FGD5: variants seen among roughly 807,000 people sequenced by gnomAD.
The protein encoded by FGD5 is FYVE, RhoGEF and PH domain-containing protein 5.
In FGD5, 28 loss-of-function variants were observed where a neutral mutation model predicts 133.4. The observed-to-expected ratio is 0.21, with a 90% CI of 0.16 to 0.29. The LOEUF (loss-of-function observed/expected upper bound fraction) is 0.29, where lower values mean the gene tolerates loss of function less well. Among genes scored for constraint, FGD5 ranks in the 10% least tolerant of loss-of-function variants. The pLI is 1.00. For synonymous variants in FGD5, 810 were observed against 776.5 expected (o/e 1.04, Z -0.72); for missense variants, 1,858 against 1,895.2 (o/e 0.98, Z 0.36).
chr3:14,911,229 A>G (rs1173460793), intron 11 of FGD5, among the ~76,000 whole-genome samples: 1 of 152,220 alleles, frequency 6.6e-6, no homozygotes, highest in East Asian at 1.9e-4. Context: ...CAGAAAGGAA[A>G]GTCGCTGTAG....
rs557370562 is a variant in FGD5 at position 14,829,297 on chromosome 3, G to C, written c.2525+7701G>C. On this transcript the variant is annotated intron_variant, in intron 1 of 19. Transcript: ENST00000285046. ...AGTGTGTACGCCATCCCCTGGGCAGGGGGGAGTCCATAGTGATTTTCAGCA... is the reference window on the plus strand; with the variant it reads ...AGTGTGTACGCCATCCCCTGGGCAGCGGGGAGTCCATAGTGATTTTCAGCA... 5.3e-5 allele frequency among the ~76,000 whole-genome samples: 8 copies of C among 152,312 alleles called. No individual in the cohort carries two copies. The East Asian group carries it at 5.8e-4, about 11-fold the overall frequency.
At chr3:14,884,299 T>C (rs2037882368) in intron 4 of FGD5, among the ~76,000 whole-genome samples, 1 of 152,158 alleles carries the variant, frequency 6.6e-6, no homozygotes, top group Non-Finnish European at 1.5e-5. Context: ...CAGAAGCCAG[T>C]TTGCTGATTG....
In FGD5 at chr3:14,922,997, C is replaced by T; in HGVS notation, c.3808-49C>T. ...GAGCGGAGGGGAGGGGTGCAGGTCT[C>T]CTTTGCATGCACTGAGAGGGGTGAG... On this transcript the variant is annotated intron_variant, in intron 15 of 19. Transcript: ENST00000285046. This position sits in a 1 kb window ranked among gnomAD's most constrained non-coding sequence, Gnocchi z 4.1. 5 of 1,612,400 alleles carry T rather than the reference C, an allele frequency of 3.1e-6. No homozygotes were observed. The highest frequency in any genetic ancestry group is 1.7e-5 in the Admixed American group (1 of 59,970).
chr3:14,828,820 C>CTT (rs59960841), intron 1 of FGD5, among the ~76,000 whole-genome samples: 1,894 of 124,056 alleles, frequency 0.015, 49 homozygotes, highest in African/African-American at 0.05. Context: ...AGGTGGGTCT[C>CTT]TTTTTTTTTT....
chr3:14,932,430 G>A (rs1483166417), intron 18 of FGD5, 147 bp from the exon 19 acceptor site: 1 of 867,812 alleles, frequency 1.2e-6, no homozygotes, highest in East Asian at 2.8e-5. Flanking sequence ...GGGAAGCGAG[G>A]GTCAACAGTT....
At chr3:14,850,935 G>A (rs955433424) in intron 1 of FGD5, among the ~76,000 whole-genome samples, 2 of 152,104 alleles carry the variant, frequency 1.3e-5, no homozygotes, top group Non-Finnish European at 2.9e-5. Flanking sequence ...TAGGCTGGTC[G>A]GTAATGCCAA....
At chr3:14,889,221 C>T (rs970250612) in intron 4 of FGD5, among the ~76,000 whole-genome samples, 22 of 152,182 alleles carry the variant, frequency 1.4e-4, no homozygotes, top group Admixed American at 1.0e-3. Flanking sequence ...ACTTGTAACT[C>T]TCGCCCGGAT....
At position 14,901,546 on chromosome 3, in the gene FGD5, C is replaced by T. The variant is rs114840960; in HGVS notation, c.3264+485C>T. On this transcript the variant is annotated intron_variant, in intron 9 of 19. Coordinates refer to ENST00000285046, the MANE Select transcript of FGD5 (RefSeq NM_152536.4). Reference sequence around the variant, plus strand: ...GTCTGCTAGAGGGCAGAGTTGATCCCGCATCCCAGCTCCATTCAGGTGGTC... The same window carrying T: ...GTCTGCTAGAGGGCAGAGTTGATCCTGCATCCCAGCTCCATTCAGGTGGTC... 3.4e-3 allele frequency among the ~76,000 whole-genome samples: 521 copies of T among 152,340 alleles called. 4 individuals carry two copies. Among genetic ancestry groups the T allele is most frequent in the African/African-American group, 0.011 (463 of 41,580 alleles).
intron 4 of FGD5, among the ~76,000 whole-genome samples, chr3:14,885,216 CA>C (rs771208400): frequency 7.6e-4 from 115 of 151,704 alleles, no homozygotes; most frequent in Non-Finnish European, 1.2e-3. Flanking sequence ...AAGAAGGGGT[CA>C]GGGGGCACCT....
chr3:14,818,282 C>G (rs2036409273), upstream of FGD5, among the ~76,000 whole-genome samples: 1 of 152,192 alleles, frequency 6.6e-6, no homozygotes, highest in African/African-American at 2.4e-5. Flanking sequence ...GGACACAGTC[C>G]TGAAGCATGC....
intron 2 of FGD5, among the ~76,000 whole-genome samples, chr3:14,876,874 G>A (rs991558079): frequency 6.6e-6 from 1 of 152,224 alleles, no homozygotes; most frequent in Non-Finnish European, 1.5e-5. Flanking sequence ...TTGACTCTTT[G>A]TGTGACCCGC....
At chr3:14,912,305 C>T (rs889895005) in intron 11 of FGD5, among the ~76,000 whole-genome samples, 1 of 152,182 alleles carries the variant, frequency 6.6e-6, no homozygotes, top group African/African-American at 2.4e-5. Context: ...GACCCAAGTC[C>T]AGAGTCTCCC....
chr3:14,913,203 A>G (rs1019855392), intron 11 of FGD5, among the ~76,000 whole-genome samples: 2 of 152,156 alleles, frequency 1.3e-5, no homozygotes, highest in Non-Finnish European at 2.9e-5. Context: ...AGGAAAGTGG[A>G]AAGACTGGGT....
At chr3:14,832,314 G>A (rs576626396) in intron 1 of FGD5, among the ~76,000 whole-genome samples, 19 of 152,202 alleles carry the variant, frequency 1.2e-4, no homozygotes, top group Admixed American at 3.3e-4. Flanking sequence ...GTCACAGACC[G>A]TTTGTATGTG....
At chr3:14,893,197 A>G (rs1490501304) in intron 4 of FGD5, among the ~76,000 whole-genome samples, 1 of 152,200 alleles carries the variant, frequency 6.6e-6, no homozygotes, top group Non-Finnish European at 1.5e-5. Flanking sequence ...TGCATCATAG[A>G]TGTACATAGT....
Position 14,922,153 on chromosome 3 carries a change from G to T in FGD5, c.3669+136G>T. The T allele has an allele frequency of 9.5e-7, 1 of 1,051,530 alleles. No homozygotes were observed. The highest frequency in any genetic ancestry group is 1.4e-6 in the Non-Finnish European group (1 of 717,662). 65.1% of individuals were successfully genotyped at this position (1,051,530 alleles called of 1,614,324 possible). A position where few individuals can be genotyped will look rare whatever the true frequency, so the allele number is the denominator to read the frequency against. ...GGGCACTGGCTCCCCCCACACCCCT[G>T]CCATGCTCCCACCCTAGTCAGGGGC... On this transcript the variant is annotated intron_variant, in intron 14 of 19. Coordinates refer to ENST00000285046, the MANE Select transcript of FGD5 (RefSeq NM_152536.4). This position sits in a 1 kb window ranked among gnomAD's most constrained non-coding sequence, Gnocchi z 4.1.
intron 2 of FGD5, among the ~76,000 whole-genome samples, chr3:14,866,868 C>T (rs1482665799): frequency 1.3e-5 from 2 of 151,948 alleles, no homozygotes; most frequent in African/African-American, 2.4e-5. Flanking sequence ...AGCCTGTGGC[C>T]AGCCAGAGCA....
rs1341916758 is a variant in FGD5, at chr3:14,922,997, C to G, written c.3808-49C>G. ...GAGCGGAGGGGAGGGGTGCAGGTCTCCTTTGCATGCACTGAGAGGGGTGAG... is the reference window on the plus strand; with the variant it reads ...GAGCGGAGGGGAGGGGTGCAGGTCTGCTTTGCATGCACTGAGAGGGGTGAG... On this transcript the variant is annotated intron_variant, in intron 15 of 19. Coordinates refer to ENST00000285046, the MANE Select transcript of FGD5 (RefSeq NM_152536.4). The surrounding 1 kb of genome is among the most constrained non-coding windows in gnomAD (Gnocchi z 4.1). The G allele has an allele frequency of 6.2e-7, 1 of 1,612,282 alleles. No homozygotes were observed. The highest frequency in any genetic ancestry group is 1.3e-5 in the African/African-American group (1 of 74,784).
At chr3:14,835,704 GGA>G (rs747087591) in intron 1 of FGD5, among the ~76,000 whole-genome samples, 89 of 152,192 alleles carry the variant, frequency 5.8e-4, no homozygotes, top group South Asian at 8.3e-4. Flanking sequence ...AGAAGAACAG[GGA>G]GAATTCAGGC....
Sources: allele counts gnomAD v4.1 joint callset (sites outside exome capture counted in the v4.1 genomes callset), GRCh38; gene constraint gnomAD v4.1.1; non-coding constraint Gnocchi (gnomAD v3.1); transcripts MANE v1.5; gene names NCBI Gene and HGNC (gene_info 2026-07-23, HGNC 2026-07-21).